TBX15: variants seen among roughly 807,000 people sequenced by gnomAD.
TBX15 encodes the protein T-box transcription factor 15.
In TBX15, 18 loss-of-function variants were observed where a neutral mutation model predicts 53.9. The ratio of observed to expected loss-of-function variants is 0.33; its 90% CI spans 0.23 to 0.49. The LOEUF (loss-of-function observed/expected upper bound fraction) is 0.49, where lower values mean the gene tolerates loss of function less well. Ranked by LOEUF, TBX15 falls within the 20% of genes least tolerant of loss-of-function variation. TBX15 has a pLI of 0.98. For missense variants in TBX15, 692 were observed against 749.5 expected, an observed-to-expected ratio of 0.92 and a Z score of 0.90; for synonymous variants, 295 against 278.0, an observed-to-expected ratio of 1.06 and a Z score of -0.61.
intron 1 of TBX15, among the ~76,000 whole-genome samples, chr1:118,948,229 C>T (rs1656405374): frequency 6.6e-6 from 1 of 151,976 alleles, no homozygotes; most frequent in Admixed American, 6.6e-5. Flanking sequence ...CAAAATAACC[C>T]ATTTTATAAT....
intron 1 of TBX15, among the ~76,000 whole-genome samples, chr1:118,945,318 T>C (rs895594158): frequency 8.5e-5 from 13 of 152,258 alleles, no homozygotes; most frequent in Admixed American, 6.5e-4. Context: ...CCCCCCAAAA[T>C]TGTAAGTTAA....
chr1:118,922,028 A>G (rs1050796838), intron 5 of TBX15, among the ~76,000 whole-genome samples: 4 of 152,214 alleles, frequency 2.6e-5, no homozygotes, highest in African/African-American at 9.6e-5. Flanking sequence ...TTCCTGGGGG[A>G]AAGACCCGAG....
chr1:118,910,819 C>T (rs1461777971), intron 6 of TBX15, among the ~76,000 whole-genome samples: 1 of 152,104 alleles, frequency 6.6e-6, no homozygotes, highest in African/African-American at 2.4e-5. Flanking sequence ...CATAGTTTCA[C>T]CTGCTAGGGA....
chr1:118,954,775 G>T (rs1656625205), intron 1 of TBX15, among the ~76,000 whole-genome samples: 1 of 152,190 alleles, frequency 6.6e-6, no homozygotes, highest in East Asian at 1.9e-4. Context: ...ATTCATTCCA[G>T]GTTGGGGGAT....
intron 1 of TBX15, among the ~76,000 whole-genome samples, chr1:118,980,500 AACT>A (rs1186989183): frequency 6.6e-6 from 1 of 152,230 alleles, no homozygotes; most frequent in Non-Finnish European, 1.5e-5. Context: ...GAGCCTTGGC[AACT>A]ATATTGTAGA....
intron 1 of TBX15, among the ~76,000 whole-genome samples, chr1:118,982,813 C>T (rs1173085227): frequency 1.3e-5 from 2 of 152,198 alleles, no homozygotes; most frequent in Non-Finnish European, 2.9e-5. Context: ...TTCTCCCTTC[C>T]TCCCTGCATG....
chr1:118,925,934 G>A (rs535960603), intron 3 of TBX15, among the ~76,000 whole-genome samples: 9 of 151,986 alleles, frequency 5.9e-5, no homozygotes, highest in Admixed American at 5.9e-4. Flanking sequence ...CAAGAACTAT[G>A]TATAAGCCAT....
intron 7 of TBX15, among the ~76,000 whole-genome samples, chr1:118,888,827 C>G (rs527244921): frequency 6.6e-6 from 1 of 152,070 alleles, no homozygotes; most frequent in East Asian, 1.9e-4. Context: ...CAGATGACTT[C>G]CTACAACTCT....
At chr1:118,944,805 A>T (rs1229224362) in intron 1 of TBX15, among the ~76,000 whole-genome samples, 1 of 152,192 alleles carries the variant, frequency 6.6e-6, no homozygotes, top group Non-Finnish European at 1.5e-5. Flanking sequence ...CCCAGCCTGA[A>T]CTGTATTTAG....
chr1:118,947,188 C>T (rs553209003), intron 1 of TBX15, among the ~76,000 whole-genome samples: 2 of 152,314 alleles, frequency 1.3e-5, no homozygotes, highest in East Asian at 3.9e-4. Flanking sequence ...GGTAGGCCTG[C>T]CAAGGCTTTC....
intron 7 of TBX15, among the ~76,000 whole-genome samples, chr1:118,893,361 GAAAGAAAGAAAGAAA>G (rs1557872564): frequency 0.02 from 1,076 of 54,686 alleles, 39 homozygotes; most frequent in South Asian, 0.052. Flanking sequence ...AGGAAGGAAA[GAAAGAAAGAAAGAAA>G]GAAAGAAAGA....
At chr1:118,923,776 T>G (rs73007559) in intron 4 of TBX15, among the ~76,000 whole-genome samples, 173 bp from the exon 5 acceptor site, 1 of 152,206 alleles carries the variant, frequency 6.6e-6, no homozygotes, top group African/African-American at 2.4e-5. Context: ...AGTGATTAAA[T>G]AGCATTACAT....
upstream of TBX15, chr1:118,989,367 T>TA (rs1657961445): frequency 6.6e-6 from 1 of 152,126 alleles, no homozygotes; most frequent in Non-Finnish European, 1.5e-5. Context: ...CTTCCCAAGT[T>TA]ACGCCACCGG....
chr1:118,958,506 A>G (rs1656767226), intron 1 of TBX15, among the ~76,000 whole-genome samples: 1 of 152,184 alleles, frequency 6.6e-6, no homozygotes, highest in Non-Finnish European at 1.5e-5. Context: ...GTTTAGTTCA[A>G]CATAGATTTT....
chr1:118,940,155 G>A (rs1166605069), intron 1 of TBX15, among the ~76,000 whole-genome samples: 11 of 151,810 alleles, frequency 7.2e-5, no homozygotes, highest in Non-Finnish European at 1.5e-5. Context: ...AGAAGGTAGC[G>A]CTACAGAAAT....
chr1:118,893,461 GAAAGA>G (rs1480547350), intron 7 of TBX15, among the ~76,000 whole-genome samples: 7 of 122,834 alleles, frequency 5.7e-5, no homozygotes, highest in African/African-American at 2.4e-4. Context: ...AGGAAGGAAG[GAAAGA>G]AAGGAAGGAA....
rs539950603 is a variant in TBX15, at chr1:118,907,283, C to T, written c.926+6832G>A. ...CCCAAGGTCACAGACAGGATGAAGG[C>T]TCCGTCAGAGGAAATCCCAGAGTCT... On this transcript the variant is annotated intron_variant, in intron 6 of 7. Transcript: ENST00000369429. Among the ~76,000 whole-genome samples, 314 of 152,310 alleles carry T rather than the reference C, an allele frequency of 2.1e-3. 1 individual carries two copies. Among genetic ancestry groups the T allele is most frequent in the African/African-American group, 7.3e-3 (305 of 41,574 alleles).
intron 1 of TBX15, among the ~76,000 whole-genome samples, chr1:118,944,849 T>C (rs565611390): frequency 6.6e-6 from 1 of 152,320 alleles, no homozygotes; most frequent in South Asian, 2.1e-4. Flanking sequence ...CCAGCACATC[T>C]CACAGTGACA....
At chr1:118,933,427 T>C (rs534016448) in intron 1 of TBX15, among the ~76,000 whole-genome samples, 1 of 151,282 alleles carries the variant, frequency 6.6e-6, no homozygotes, top group African/African-American at 2.4e-5. Flanking sequence ...ATGTAGTCAC[T>C]ATCTTCATTC....
Sources: allele counts gnomAD v4.1 joint callset (sites outside exome capture counted in the v4.1 genomes callset), GRCh38; gene constraint gnomAD v4.1.1; transcripts MANE v1.5; gene names NCBI Gene and HGNC (gene_info 2026-07-23, HGNC 2026-07-21).